The following NDUFS1 variants were observed in gnomAD, a reference collection of about 807,000 sequenced individuals.
The protein encoded by NDUFS1 is NADH:ubiquinone oxidoreductase core subunit S1, also known as NADH-ubiquinone oxidoreductase 75 kDa subunit, mitochondrial.
A neutral mutation model predicts 84.4 loss-of-function variants in NDUFS1; 61 were observed. The ratio of observed to expected loss-of-function variants is 0.72; its 90% CI spans 0.59 to 0.89. The LOEUF (loss-of-function observed/expected upper bound fraction) is 0.89, where lower values mean the gene tolerates loss of function less well. Among genes scored for constraint, NDUFS1 ranks in the 40% least tolerant of loss-of-function variants. The pLI is 0.00. For synonymous variants in NDUFS1, 275 were observed against 290.0 expected (o/e 0.95, Z 0.53); for missense variants, 891 against 890.0 (o/e 1.00, Z -0.01).
rs1335018259 is a variant in NDUFS1 at position 206,116,679 on chromosome 2, G to A, written c.*7506C>T. ...GGTGGGAGGAGCGCCTGGGCCCAGG[G>A]GTTCAAGACGAGCCTGGGCAACATA... On this transcript the variant is annotated 3_prime_UTR_variant, in exon 19 of 19. Transcript: ENST00000233190. 2.6e-6 allele frequency: 1 copy of A among 388,394 alleles called. No homozygotes were observed. Among genetic ancestry groups the A allele is most frequent in the Non-Finnish European group, 4.8e-6 (1 of 207,778 alleles). 24.1% of individuals were successfully genotyped at this position (388,394 alleles called of 1,614,324 possible).
chr2:206,158,972 GGC>G, intron 1 of NDUFS1: 1 of 1,027,478 alleles, frequency 9.7e-7, no homozygotes, highest in South Asian at 1.5e-5. Flanking sequence ...TGGGGGGAAA[GGC>G]TTAGTCTTAA....
chr2:206,132,513 AG>A (rs1372148161), intron 14 of NDUFS1, among the ~76,000 whole-genome samples: 1 of 152,158 alleles, frequency 6.6e-6, no homozygotes, highest in Non-Finnish European at 1.5e-5. Context: ...GCTGGAGCTC[AG>A]GAAGTCAGGG....
chr2:206,127,666 C>T, intron 16 of NDUFS1, 131 bp downstream of exon 16: 1 of 987,314 alleles, frequency 1.0e-6, no homozygotes, highest in African/African-American at 1.6e-5. Flanking sequence ...TACATGTTTT[C>T]TATAGAAATT....
chr2:206,147,866 C>G (rs1217571518), intron 5 of NDUFS1, 32 bp from the exon 6 acceptor site: 2 of 1,556,952 alleles, frequency 1.3e-6, no homozygotes, highest in Non-Finnish European at 1.8e-6. Flanking sequence ...TAAAATGACT[C>G]TCAAATACAC....
rs570072766 is a variant in NDUFS1 at position 206,125,825 on chromosome 2, G to A, written c.2092+714C>T. 2.0e-5 allele frequency among the ~76,000 whole-genome samples: 3 copies of A among 152,184 alleles called. No individual in the cohort carries two copies. In the South Asian group the frequency reaches 6.2e-4, roughly 32 times the overall value. ...CCCTCCTCCCACTCTCCACTCTCAAGTAGACTACAGTGTCTGTTGTTTCCT... is the reference window on the plus strand; with the variant it reads ...CCCTCCTCCCACTCTCCACTCTCAAATAGACTACAGTGTCTGTTGTTTCCT... On this transcript the variant is annotated intron_variant, in intron 18 of 18. Transcript: ENST00000233190.
Position 206,120,381 on chromosome 2 carries a change from A to G in NDUFS1, c.*3804T>C, listed in dbSNP as rs771208407. ...GGCTCAGAAGACAGAAAGATGAGGG[A>G]AAGTTTGGAACTTAGAGACTAGTTA... On this transcript the variant is annotated 3_prime_UTR_variant, in exon 19 of 19. Transcript: ENST00000233190. 6.6e-5 allele frequency: 10 copies of G among 152,218 alleles called. No homozygotes were observed. Among genetic ancestry groups the G allele is most frequent in the Non-Finnish European group, 1.2e-4 (8 of 68,054 alleles). The allele number at this position is 152,218 out of a possible 1,614,324, so 9.4% of individuals were successfully genotyped here.
At chr2:206,142,250 T>C (rs958624230) in intron 11 of NDUFS1, among the ~76,000 whole-genome samples, 181 bp from the exon 12 acceptor site, 6 of 152,170 alleles carry the variant, frequency 3.9e-5, no homozygotes, top group Admixed American at 2.0e-4. Flanking sequence ...TCTCACTCTG[T>C]CTCCCACGCT....
rs1692214920 is a variant in NDUFS1 at position 206,147,753 on chromosome 2, C to T, written c.420G>A (p.Gln140=). Residue 140 remains glutamine (Q), a splice_region_variant and synonymous_variant, in exon 6 of 19, where the codon CAG becomes CAA. Coordinates refer to ENST00000233190, the MANE Select transcript of NDUFS1 (RefSeq NM_005006.7). The part of the protein sequence containing the change: ...ICDQGGECDL[Q]DQSMMFGNDR... ...AGATTGACAGAATTCTACTACATAC[C>T]TGCAGATCACATTCACCTCCCTGGT... is the stretch of plus-strand genomic sequence containing the variant. 2 of 1,614,038 alleles carry T rather than the reference C, an allele frequency of 1.2e-6. No homozygotes were observed. Among genetic ancestry groups the T allele is most frequent in the Non-Finnish European group, 1.7e-6 (2 of 1,179,932 alleles).
chr2:206,141,989 G>A lies in NDUFS1; in HGVS notation c.1214C>T (p.Thr405Ile), dbSNP rs750635093. 1 of 1,611,018 alleles carries A rather than the reference G, an allele frequency of 6.2e-7. No individual in the cohort carries two copies. The highest frequency in any genetic ancestry group is 1.7e-5 in the Admixed American group (1 of 59,996). ...EEADVVLLVGTNPRFEAPLFN... is the reference protein window; with the variant it reads ...EEADVVLLVGINPRFEAPLFN... ...CAGTGGTGCCTCAAAACGTGGGTTT[G>A]TACCAACCAGAAGAACAACATCTGC... The change falls in exon 12 of 19, where the codon ACA (threonine) becomes ATA (isoleucine). Residue 405 changes from threonine to isoleucine, a missense_variant. Transcript: ENST00000233190.
Position 206,146,960 on chromosome 2 carries a change from G to T in NDUFS1, c.680C>A (p.Pro227His). 2 of 1,614,086 alleles carry T rather than the reference G, an allele frequency of 1.2e-6. No homozygotes were observed. Among genetic ancestry groups the T allele is most frequent in the Non-Finnish European group, 1.7e-6 (2 of 1,179,982 alleles). The change falls in exon 8 of 19, where the codon CCT becomes CAT. Residue 227 changes from proline (P) to histidine (H), a missense_variant. Transcript: ENST00000233190. ...GGGCTTAGAGGTTAGGGCACCTACA[G>T]GGCAGATATCAATGATATTCCCAGA... ...ELSGNIIDIC[P>H]VGALTSKPYA...
intron 4 of NDUFS1, 78 bp downstream of exon 4, chr2:206,149,740 A>T: frequency 9.6e-7 from 1 of 1,039,852 alleles, no homozygotes; most frequent in Non-Finnish European, 1.5e-6. Context: ...TACGATATTG[A>T]TTCTAAATAA....
chr2:206,145,011 A>G lies in NDUFS1; in HGVS notation c.753T>C (p.Ile251=). The G allele has an allele frequency of 1.2e-6, 2 of 1,613,926 alleles. No homozygotes were observed. Among genetic ancestry groups the G allele is most frequent in the Non-Finnish European group, 1.7e-6 (2 of 1,179,926 alleles). Reference sequence around the variant, plus strand: ...TACTTCCAACCGCATCCATTACATCAATGGATTCTGTCTTTCTGAGAAACA... The same window carrying G: ...TACTTCCAACCGCATCCATTACATCGATGGATTCTGTCTTTCTGAGAAACA... ...RPWETRKTES[I]DVMDAVGSNI... The change falls in exon 9 of 19, where the codon ATT becomes ATC. Residue 251 remains isoleucine, a synonymous_variant. Transcript: ENST00000233190.
chr2:206,149,771 G>A lies in NDUFS1; in HGVS notation c.261+47C>T. Reference sequence around the variant, plus strand: ...AATAAAGTTTGCTGCAAGATTTAAAGTTTTCTACCTTCTACAGCATGGTGT... The same window carrying A: ...AATAAAGTTTGCTGCAAGATTTAAAATTTTCTACCTTCTACAGCATGGTGT... On this transcript the variant is annotated intron_variant, in intron 4 of 18. Transcript: ENST00000233190. 4 of 1,417,448 alleles carry A rather than the reference G, an allele frequency of 2.8e-6. No homozygotes were observed. In the East Asian group the frequency reaches 9.1e-5, roughly 32 times the overall value. 87.8% of individuals were successfully genotyped at this position (1,417,448 alleles called of 1,614,324 possible). A position where few individuals can be genotyped will look rare whatever the true frequency, so the allele number is the denominator to read the frequency against.
chr2:206,145,087 C>G, intron 8 of NDUFS1, 61 bp from the exon 9 acceptor site: 1 of 1,513,564 alleles, frequency 6.6e-7, no homozygotes, highest in Non-Finnish European at 8.9e-7. Flanking sequence ...TTTCTGTTAC[C>G]TGGTTTACCA....
Position 206,147,606 on chromosome 2 carries a change from G to A in NDUFS1, c.476C>T (p.Ala159Val), listed in dbSNP as rs764520533. The change falls in exon 7 of 19, where the codon GCT becomes GTT. Residue 159 changes from alanine (A) to valine (V), a missense_variant. Transcript: ENST00000233190. Reference protein sequence around the residue: ...DRSRFLEGKRAVEDKNIGPLV... With the variant: ...DRSRFLEGKRVVEDKNIGPLV... ...TGGCCCAATGTTCTTGTCTTCCACA[G>A]CACGCTTCCCCTCTAAAAATCGGCT... 44 of 1,613,942 alleles carry A rather than the reference G, an allele frequency of 2.7e-5. No individual in the cohort carries two copies. The highest frequency in any genetic ancestry group is 3.7e-5 in the Non-Finnish European group (44 of 1,179,968).
At chr2:206,152,534 GAA>G (rs752013258) in intron 2 of NDUFS1, 24 bp from the exon 3 acceptor site, 2 of 1,594,314 alleles carry the variant, frequency 1.3e-6, no homozygotes, top group South Asian at 2.2e-5. Context: ...ATATTGAAGC[GAA>G]AAACAGATTA....
intron 4 of NDUFS1, among the ~76,000 whole-genome samples, chr2:206,149,442 T>C (rs1035796171): frequency 3.9e-5 from 6 of 152,200 alleles, no homozygotes; most frequent in African/African-American, 9.6e-5. Context: ...GAAATTAAAC[T>C]ACTGAAAGTG....
At position 206,128,920 on chromosome 2, in the gene NDUFS1, ATGTACCAGTT is replaced by A. The variant is rs571819710; in HGVS notation, c.1709-958_1709-949del. Among the ~76,000 whole-genome samples, 203 of 152,330 alleles carry A rather than the reference ATGTACCAGTT, an allele frequency of 1.3e-3. 2 individuals are homozygous for A. The highest frequency in any genetic ancestry group is 2.5e-3 in the Non-Finnish European group (170 of 68,032). On this transcript the variant is annotated intron_variant, in intron 15 of 18. Transcript: ENST00000233190. Reference sequence around the variant, plus strand: ...ATGCTTACAAAGTAGAACTGCTCAGATGTACCAGTTTGTGAAATTTGGTAAAGTAGACTGA... The same window carrying A: ...ATGCTTACAAAGTAGAACTGCTCAGATGTGAAATTTGGTAAAGTAGACTGA...
chr2:206,129,397 G>A (rs982046418), intron 15 of NDUFS1, among the ~76,000 whole-genome samples: 2 of 151,890 alleles, frequency 1.3e-5, no homozygotes, highest in Non-Finnish European at 1.5e-5. Flanking sequence ...TAAGTAGCTG[G>A]GATCACAGAC....
Sources: gnomAD v4.1 joint callset for allele counts (sites outside exome capture counted in the v4.1 genomes callset) on GRCh38, gnomAD v4.1.1 for gene constraint, MANE v1.5 for transcripts, NCBI Gene and HGNC (gene_info 2026-07-23, HGNC 2026-07-21) for gene names.